TUSC3: variants seen among roughly 807,000 people sequenced by gnomAD.
TUSC3 encodes the protein tumor suppressor candidate 3.
Under a neutral mutation model 44.8 loss-of-function variants are expected in TUSC3, and 45 were observed. That is an observed-to-expected ratio of 1.00 (90% CI 0.79 to 1.29). TUSC3 has a LOEUF of 1.29. Ranked by LOEUF, TUSC3 falls within the 50% of genes most tolerant of loss-of-function variation. The pLI is 0.00. For missense variants in TUSC3, 519 were observed against 437.9 expected, an observed-to-expected ratio of 1.19 and a Z score of -1.65; for synonymous variants, 212 against 152.9, an observed-to-expected ratio of 1.39 and a Z score of -2.85.
intron 1 of TUSC3, among the ~76,000 whole-genome samples, chr8:15,445,160 C>T (rs533633426): frequency 4.6e-5 from 7 of 152,052 alleles, no homozygotes; most frequent in African/African-American, 1.7e-4. Flanking sequence ...ATTCAATGAC[C>T]GTGGGTCTGG....
chr8:15,433,093 T>A (rs1799891164), intron 1 of TUSC3, among the ~76,000 whole-genome samples: 1 of 152,220 alleles, frequency 6.6e-6, no homozygotes, highest in Non-Finnish European at 1.5e-5. Flanking sequence ...AAACAAATTT[T>A]ACTCTGTCCC....
chr8:15,498,571 A>G (rs6530878), intron 2 of TUSC3, among the ~76,000 whole-genome samples: 38,199 of 152,018 alleles, frequency 0.25, 5,143 homozygotes, highest in Non-Finnish European at 0.31. Context: ...GTCTATTTCT[A>G]ACCTTGATTA....
At chr8:15,736,760 A>G (rs776222366) in intron 7 of TUSC3, among the ~76,000 whole-genome samples, 1 of 152,172 alleles carries the variant, frequency 6.6e-6, no homozygotes, top group South Asian at 2.1e-4. Context: ...GGAGGGGCAG[A>G]ACTATGTCAT....
At chr8:15,622,017 T>C (rs572622584) in intron 1 of TUSC3, among the ~76,000 whole-genome samples, 1 of 152,260 alleles carries the variant, frequency 6.6e-6, no homozygotes, top group East Asian at 1.9e-4. Flanking sequence ...TTCCCTTCTC[T>C]CTTCTTGATG....
chr8:15,522,584 C>G (rs965972484), intron 2 of TUSC3, among the ~76,000 whole-genome samples: 12 of 151,448 alleles, frequency 7.9e-5, no homozygotes, highest in Non-Finnish European at 1.5e-5. Flanking sequence ...ACGATCCACT[C>G]CCACATGTGT....
chr8:15,465,334 A>G (rs959095833), intron 1 of TUSC3, among the ~76,000 whole-genome samples: 1 of 152,186 alleles, frequency 6.6e-6, no homozygotes, highest in African/African-American at 2.4e-5. Context: ...GGAAACTTAC[A>G]TGTCTCAAAT....
Position 15,581,862 on chromosome 8 carries a change from G to C in TUSC3, c.139-41218G>C, listed in dbSNP as rs559769821. Among the ~76,000 whole-genome samples the C allele has an allele frequency of 8.3e-5, 7 of 84,340 alleles. No homozygotes were observed. The East Asian group carries it at 3.1e-3, about 37-fold the overall frequency. 55.3% of individuals were successfully genotyped at this position (84,340 alleles called of 152,430 possible). On this transcript the variant is annotated intron_variant, in intron 1 of 10. Transcript: ENST00000503731. The stretch of plus-strand genomic sequence containing the variant: ...GGGCTCCACCCAGTTGGAGCTTCCC[G>C]TTTACCTAATCAAGCCTGGGCAATG...
chr8:15,807,699 C>T, the TUSC3 span, among the ~76,000 whole-genome samples: 3 of 152,166 alleles, frequency 2.0e-5, no homozygotes, highest in African/African-American at 4.8e-5. Flanking sequence ...AGAACAAAAG[C>T]ATGTCCTTTG....
chr8:15,791,157 G>T, the TUSC3 span, among the ~76,000 whole-genome samples: 1 of 151,772 alleles, frequency 6.6e-6, no homozygotes, highest in African/African-American at 2.4e-5. Flanking sequence ...AATTACCTTC[G>T]CCAATTTGTC....
intron 7 of TUSC3, chr8:15,743,315 C>G (rs1180222231): frequency 1.8e-6 from 1 of 544,416 alleles, no homozygotes. Flanking sequence ...TGGAATTAGC[C>G]TCTCAATATA....
At chr8:15,592,982 G>A (rs1394481361) in intron 1 of TUSC3, among the ~76,000 whole-genome samples, 1 of 152,188 alleles carries the variant, frequency 6.6e-6, no homozygotes, top group Non-Finnish European at 1.5e-5. Context: ...TATGAATTTT[G>A]AGTGTGAGGA....
chr8:15,800,796 A>G, the TUSC3 span, among the ~76,000 whole-genome samples: 1 of 152,086 alleles, frequency 6.6e-6, no homozygotes, highest in East Asian at 1.9e-4. Flanking sequence ...AAACACAAGA[A>G]ATATGCAACA....
chr8:15,421,699 A>G (rs1233894634), intron 1 of TUSC3, among the ~76,000 whole-genome samples: 1 of 152,142 alleles, frequency 6.6e-6, no homozygotes, highest in Non-Finnish European at 1.5e-5. Context: ...TGAATGTTAA[A>G]GGTGCCTATT....
At position 15,730,723 on chromosome 8, in the gene TUSC3, G is replaced by A. The variant is rs1038817554; in HGVS notation, c.856G>A (p.Val286Ile). The change falls in exon 7 of 11, where the codon GTA becomes ATA. Residue 286 changes from valine to isoleucine, a missense_variant. Transcript: ENST00000503731. ...TGTGGCAGAATCACACATTATTCTG[G>A]TACTGAGTATCCTTTTAAGATACCG... The part of the protein sequence containing the change: ...QFVAESHIIL[V>I]LNAAITMGMV... 1 of 1,612,826 alleles carries A rather than the reference G, an allele frequency of 6.2e-7. No homozygotes were observed. The highest frequency in any genetic ancestry group is 1.3e-5 in the African/African-American group (1 of 74,854).
the TUSC3 span, among the ~76,000 whole-genome samples, chr8:15,781,790 T>C: frequency 2.0e-5 from 3 of 152,278 alleles, no homozygotes; most frequent in African/African-American, 7.2e-5. Flanking sequence ...AAACTCATCT[T>C]ATGAGGCCAG....
chr8:15,425,633 A>G (rs896662779), intron 1 of TUSC3, among the ~76,000 whole-genome samples: 1 of 152,256 alleles, frequency 6.6e-6, no homozygotes, highest in Non-Finnish European at 1.5e-5. Context: ...CCACCAGGGC[A>G]TGAAGTTAGA....
At chr8:15,823,040 A>G in the TUSC3 span, among the ~76,000 whole-genome samples, 2 of 152,192 alleles carry the variant, frequency 1.3e-5, no homozygotes, top group Admixed American at 6.5e-5. Context: ...TTCTAAAGGA[A>G]GAGGACAAGC....
intron 8 of TUSC3, among the ~76,000 whole-genome samples, chr8:15,746,390 T>A (rs1811415668): frequency 1.3e-5 from 2 of 152,144 alleles, no homozygotes; most frequent in African/African-American, 2.4e-5. Context: ...TTCAAATTAT[T>A]CCTTTTTGAT....
chr8:15,767,288 T>G (rs1050324464), downstream of TUSC3, among the ~76,000 whole-genome samples: 2 of 152,064 alleles, frequency 1.3e-5, no homozygotes, highest in Non-Finnish European at 2.9e-5. Flanking sequence ...TAACAAAGCA[T>G]CTCACCTTCC....
Sources: gnomAD v4.1 joint callset for allele counts (sites outside exome capture counted in the v4.1 genomes callset) on GRCh38, gnomAD v4.1.1 for gene constraint, MANE v1.5 for transcripts, NCBI Gene and HGNC (gene_info 2026-07-23, HGNC 2026-07-21) for gene names.